Variants in RRAGD observed in about 807,000 individuals in gnomAD.
RRAGD encodes ras-related GTP-binding protein D.
In RRAGD, 12 loss-of-function variants were observed where a neutral mutation model predicts 35.5. That is an observed-to-expected ratio of 0.34 (90% CI 0.22 to 0.55). The LOEUF is 0.55. Among genes scored for constraint, RRAGD ranks in the 20% least tolerant of loss-of-function variants. RRAGD has a pLI of 0.91. For synonymous variants in RRAGD, 155 were observed against 178.9 expected, an observed-to-expected ratio of 0.87 and a Z score of 1.07; for missense variants, 324 against 490.1, an observed-to-expected ratio of 0.66 and a Z score of 3.20.
chr6:89,376,214 G>C (rs936564029), intron 5 of RRAGD, among the ~76,000 whole-genome samples: 1 of 152,032 alleles, frequency 6.6e-6, no homozygotes, highest in Non-Finnish European at 1.5e-5. Flanking sequence ...CATTTATCCA[G>C]AGTCTACCAG....
intron 2 of RRAGD, among the ~76,000 whole-genome samples, chr6:89,383,782 C>T (rs1358881443): frequency 6.6e-6 from 1 of 151,792 alleles, no homozygotes; most frequent in African/African-American, 2.4e-5. Flanking sequence ...AATTCATGAA[C>T]AAAAAATAAA....
rs562774378 is a variant in RRAGD at position 89,378,195 on chromosome 6, G to A, written c.760-382C>T. ...TGCATGCCTGTAATCCCAGCTACTC[G>A]GGAGGCTGAGGAAGGAGAACTGCTT... On this transcript the variant is annotated intron_variant, in intron 4 of 6. Coordinates refer to ENST00000369415, the MANE Select transcript of RRAGD (RefSeq NM_021244.5). Among the ~76,000 whole-genome samples the A allele has an allele frequency of 3.2e-4, 49 of 152,104 alleles. No homozygotes were observed. In the South Asian group the frequency reaches 6.2e-3, roughly 19 times the overall value.
chr6:89,403,657 G>T (rs1437164343), intron 1 of RRAGD, among the ~76,000 whole-genome samples: 3 of 139,132 alleles, frequency 2.2e-5, no homozygotes, highest in East Asian at 2.1e-4. Flanking sequence ...GAGAGAGAGG[G>T]TCTCACTCTG....
intron 4 of RRAGD, among the ~76,000 whole-genome samples, chr6:89,378,216 T>C (rs919099784): frequency 1.3e-5 from 2 of 151,686 alleles, no homozygotes; most frequent in Non-Finnish European, 2.9e-5. Context: ...GAAGGAGAAC[T>C]GCTTGAACCC....
Position 89,368,096 on chromosome 6 carries a change from T to A in RRAGD, c.1163A>T (p.Lys388Met). The part of the protein sequence containing the change: ...RKVQNRLQKK[K>M]RATPNGTPRV... ...AGGGGTCCCATTAGGGGTGGCTCTC[T>A]TTTTCTTCTGCAGCCGATTCTGAAC... The change falls in exon 7 of 7, where the codon AAG becomes ATG. Residue 388 changes from lysine (K) to methionine (M), a missense_variant. Around this residue, in one of 5 missense-constraint regions of RRAGD, gnomAD observed 68 missense variants for 76.8 expected, o/e 0.89. Coordinates refer to ENST00000369415, the MANE Select transcript of RRAGD (RefSeq NM_021244.5). The A allele has an allele frequency of 6.2e-7, 1 of 1,613,958 alleles. No individual in the cohort carries two copies. The highest frequency in any genetic ancestry group is 8.5e-7 in the Non-Finnish European group (1 of 1,179,908).
Position 89,380,312 on chromosome 6 carries a change from T to A in RRAGD, c.500A>T (p.Lys167Ile). 1 of 1,614,274 alleles carries A rather than the reference T, an allele frequency of 6.2e-7. No individual in the cohort carries two copies. The highest frequency in any genetic ancestry group is 8.5e-7 in the Non-Finnish European group (1 of 1,180,046). Residue 167 changes from lysine (K) to isoleucine (I), a missense_variant, in exon 3 of 7, where the codon AAA (lysine) becomes ATA (isoleucine). Around this residue, in one of 5 missense-constraint regions of RRAGD, gnomAD observed 152 missense variants for 296.9 expected, o/e 0.51. Coordinates refer to ENST00000369415, the MANE Select transcript of RRAGD (RefSeq NM_021244.5). ...RLHLTVTRAYKVNTDINFEVF... is the reference protein window; with the variant it reads ...RLHLTVTRAYIVNTDINFEVF... ...CTCGAAGTTGATGTCAGTATTCACT[T>A]TGTAGGCCCTGGTCACCGTGAGGTG...
At chr6:89,393,850 C>T (rs927118359) in intron 1 of RRAGD, among the ~76,000 whole-genome samples, 1 of 152,076 alleles carries the variant, frequency 6.6e-6, no homozygotes, top group Non-Finnish European at 1.5e-5. Flanking sequence ...CAAGAACAGA[C>T]AGTTTCAGAG....
At chr6:89,403,110 C>T (rs1769505012) in intron 1 of RRAGD, among the ~76,000 whole-genome samples, 1 of 152,164 alleles carries the variant, frequency 6.6e-6, no homozygotes, top group Non-Finnish European at 1.5e-5. Flanking sequence ...CATATTAAGA[C>T]AGATCTCATG....
intron 1 of RRAGD, among the ~76,000 whole-genome samples, chr6:89,399,144 T>G (rs189650093): frequency 5.6e-4 from 86 of 152,378 alleles, no homozygotes; most frequent in African/African-American, 2.0e-3. Context: ...TAAGTCTCTA[T>G]GTGGTATGAT....
intron 3 of RRAGD, 60 bp from the exon 4 acceptor site, chr6:89,379,398 G>T: frequency 1.2e-6 from 1 of 847,754 alleles, no homozygotes; most frequent in Non-Finnish European, 1.9e-6. Flanking sequence ...AGGCTGCTTA[G>T]GCTATGTCAA....
At chr6:89,407,733 G>A (rs1210011395) in intron 1 of RRAGD, among the ~76,000 whole-genome samples, 1 of 152,144 alleles carries the variant, frequency 6.6e-6, no homozygotes, top group African/African-American at 2.4e-5. Flanking sequence ...TATGGGCTGG[G>A]GGAGGATTGA....
chr6:89,369,571 A>G lies in RRAGD; in HGVS notation c.1052-1364T>C, dbSNP rs560887195. On this transcript the variant is annotated intron_variant, in intron 6 of 6. Transcript: ENST00000369415. ...TGGGCTCAAGCAATCCTCCCACCTC[A>G]TTTTTGAATTTTTCCTAGAGATGAG... Among the ~76,000 whole-genome samples, 5 of 152,076 alleles carry G rather than the reference A, an allele frequency of 3.3e-5. No homozygotes were observed. The South Asian group carries it at 6.2e-4, about 19-fold the overall frequency.
At position 89,366,095 on chromosome 6, in the gene RRAGD, C is replaced by T. The variant is rs535059187; in HGVS notation, c.*1961G>A. On this transcript the variant is annotated 3_prime_UTR_variant, in exon 7 of 7. Coordinates refer to ENST00000369415, the MANE Select transcript of RRAGD (RefSeq NM_021244.5). ...CACCTTAATTATTTTTAGAAATCTC[C>T]TTTCAAAATGCACAGAACCTTGGGA... The T allele has an allele frequency of 6.6e-6, 1 of 152,280 alleles. No individual in the cohort carries two copies. Among genetic ancestry groups the T allele is most frequent in the Non-Finnish European group, 1.5e-5 (1 of 68,014 alleles). 9.4% of individuals were successfully genotyped at this position (152,280 alleles called of 1,614,324 possible). A position where few individuals can be genotyped will look rare whatever the true frequency, so the allele number is the denominator to read the frequency against.
intron 1 of RRAGD, among the ~76,000 whole-genome samples, chr6:89,390,752 G>C (rs1258416870): frequency 6.6e-6 from 1 of 152,028 alleles, no homozygotes; most frequent in Non-Finnish European, 1.5e-5. Context: ...ACAAAAATTA[G>C]CCAGACATGG....
In RRAGD at chr6:89,410,268, C is replaced by T. The variant is rs918291725; in HGVS notation, c.148+1578G>A. 2.6e-5 allele frequency among the ~76,000 whole-genome samples: 4 copies of T among 152,158 alleles called. No individual in the cohort carries two copies. The East Asian group carries it at 5.8e-4, about 22-fold the overall frequency. ...TCCCTCCTGGATATGGCCCCTCCGC[C>T]CCCCCACTTTTTTTCTTTTTTAAAA... On this transcript the variant is annotated intron_variant, in intron 1 of 6. Coordinates refer to ENST00000369415, the MANE Select transcript of RRAGD (RefSeq NM_021244.5).
chr6:89,369,147 C>T (rs954827152), intron 6 of RRAGD, among the ~76,000 whole-genome samples: 3 of 152,134 alleles, frequency 2.0e-5, no homozygotes, highest in African/African-American at 4.8e-5. Flanking sequence ...GGCACCGTCT[C>T]GGTTTCCAGG....
rs571109826 is a variant in RRAGD at position 89,367,674 on chromosome 6, C to T, written c.*382G>A. ...TAGATATGGACTACAGTATGCATGT[C>T]CTTGACACCAAGTACAGAAAAAAAG... On this transcript the variant is annotated 3_prime_UTR_variant, in exon 7 of 7. Transcript: ENST00000369415. 4.2e-5 allele frequency: 7 copies of T among 166,062 alleles called. No homozygotes were observed. In the South Asian group the frequency reaches 1.3e-3, roughly 31 times the overall value. The allele number at this position is 166,062 out of a possible 1,614,324, so 10.3% of individuals were successfully genotyped here.
chr6:89,386,960 C>T (rs1769146615), intron 2 of RRAGD, among the ~76,000 whole-genome samples: 1 of 152,114 alleles, frequency 6.6e-6, no homozygotes, highest in Non-Finnish European at 1.5e-5. Context: ...TAAATTTATA[C>T]ACATGTTTTT....
At chr6:89,371,478 G>A (rs544967231) in intron 6 of RRAGD, among the ~76,000 whole-genome samples, 1 of 152,270 alleles carries the variant, frequency 6.6e-6, no homozygotes, top group East Asian at 1.9e-4. Context: ...AACAGAGCGA[G>A]ATCCTGTCTC....
Sources: gnomAD v4.1 joint callset for allele counts (sites outside exome capture counted in the v4.1 genomes callset) on GRCh38, gnomAD v4.1.1 for gene constraint, gnomAD v4.1.1 regional missense constraint, MANE v1.5 for transcripts, NCBI Gene and HGNC (gene_info 2026-07-23, HGNC 2026-07-21) for gene names.